Variants in COL3A1 observed in about 807,000 individuals in gnomAD.
COL3A1 encodes collagen alpha-1(III) chain.
A neutral mutation model predicts 200.9 loss-of-function variants in COL3A1; 46 were observed. The ratio of observed to expected loss-of-function variants is 0.23; its 90% confidence interval spans 0.18 to 0.29. The LOEUF is 0.29. Among genes scored for constraint, COL3A1 ranks in the 10% least tolerant of loss-of-function variants. The probability of loss-of-function intolerance (pLI) is 1.00; values close to 1 mark genes in which losing one functional copy is unlikely to be tolerated. For missense variants in COL3A1, 1,367 were observed against 1,917.6 expected (o/e 0.71, Z 5.36); for synonymous variants, 650 against 628.0 (o/e 1.03, Z -0.52).
chr2:188,984,107 T>A (rs1688013742), intron 1 of COL3A1, among the ~76,000 whole-genome samples: 1 of 152,076 alleles, frequency 6.6e-6, no homozygotes, highest in African/African-American at 2.4e-5. Context: ...AACATCTTTT[T>A]CTTTTCTTTT....
chr2:188,984,641 G>T, intron 1 of COL3A1, 119 bp from the exon 2 acceptor site: 1 of 863,296 alleles, frequency 1.2e-6, no homozygotes, highest in East Asian at 2.5e-5. Flanking sequence ...ATGAAAGGAA[G>T]AAATTATTTG....
intron 1 of COL3A1, among the ~76,000 whole-genome samples, chr2:188,983,601 A>C (rs1688000537): frequency 6.6e-6 from 1 of 151,926 alleles, no homozygotes; most frequent in Non-Finnish European, 1.5e-5. Context: ...AGGACCACTA[A>C]AAGGCCTCTT....
intron 43 of COL3A1, 76 bp downstream of exon 43, chr2:189,006,528 T>C: frequency 7.1e-7 from 1 of 1,412,752 alleles, no homozygotes; most frequent in Non-Finnish European, 9.9e-7. Context: ...GAAGGTAGAA[T>C]GTCAGATCTG....
At chr2:188,997,016 TATATATATGAGAC>T (rs879908331) in intron 24 of COL3A1, 136 bp from the exon 25 acceptor site, 182 of 217,454 alleles carry the variant, frequency 8.4e-4, no homozygotes, top group Middle Eastern at 6.7e-3. Context: ...TGTGTGTATA[TATATATATGAGAC>T]ATATATATAT....
intron 1 of COL3A1, among the ~76,000 whole-genome samples, chr2:188,980,336 A>ATTAAAT (rs1413223941): frequency 6.7e-6 from 1 of 149,982 alleles, no homozygotes; most frequent in Non-Finnish European, 1.5e-5. Flanking sequence ...AACTTAAAGG[A>ATTAAAT]CATTTCTAAG....
intron 48 of COL3A1, 45 bp from the exon 49 acceptor site, chr2:189,010,133 A>G: frequency 6.3e-7 from 1 of 1,589,310 alleles, no homozygotes. Context: ...TCACTTTATT[A>G]CTGGATTTTA....
At position 188,985,553 on chromosome 2, in the gene COL3A1, T is replaced by C. The variant is rs914289237; in HGVS notation, c.334-112T>C. On this transcript the variant is annotated intron_variant, in intron 3 of 50. Transcript: ENST00000304636. ...TAAAAAGTATGTGTTATAAAGAAAA[T>C]ATATTACTTATATTGTTTCCTAATA... is the stretch of plus-strand genomic sequence containing the variant. 4.1e-6 allele frequency: 3 copies of C among 730,036 alleles called. No homozygotes were observed. The African/African-American group carries it at 5.4e-5, about 13-fold the overall frequency. The allele number at this position is 730,036 out of a possible 1,614,324, so 45.2% of individuals were successfully genotyped here.
chr2:189,010,538 T>C lies in COL3A1; in HGVS notation c.4012-110T>C, dbSNP rs1688699609. On this transcript the variant is annotated intron_variant, in intron 49 of 50. Transcript: ENST00000304636. The stretch of plus-strand genomic sequence containing the variant: ...TTTTCACACATAAAATACTCGTACA[T>C]AAAATATATAAACAGCCCATATTAC... 8 of 1,511,520 alleles carry C rather than the reference T, an allele frequency of 5.3e-6. No homozygotes were observed. The Middle Eastern group carries it at 7.1e-4, about 134-fold the overall frequency. 93.6% of individuals were successfully genotyped at this position (1,511,520 alleles called of 1,614,324 possible). A position where few individuals can be genotyped will look rare whatever the true frequency, so the allele number is the denominator to read the frequency against.
rs1410895886 is a variant in COL3A1, at chr2:188,991,517, G to T, written c.883G>T (p.Ala295Ser). The T allele has an allele frequency of 6.2e-7, 1 of 1,611,460 alleles. No individual in the cohort carries two copies. The highest frequency in any genetic ancestry group is 2.2e-5 in the East Asian group (1 of 44,854). The change falls in exon 12 of 51, where the codon GCT becomes TCT. Residue 295 changes from alanine (A) to serine (S), a missense_variant. Physicochemically the swap from Ala to Ser is moderately conservative, Grantham distance 99. This residue lies in a region of COL3A1 where 462 missense variants were observed against 681.4 expected (regional missense o/e 0.68). Transcript: ENST00000304636. ...AAATGGTCTTCCAGGCGAAAATGGA[G>T]CTCCTGGACCCATGGTAATTATGTT... is the stretch of plus-strand genomic sequence containing the variant. The part of the protein sequence containing the change: ...GENGLPGENG[A>S]PGPMGPRGAP...
rs1321267556 is a variant in COL3A1, at chr2:189,001,423, T to G, written c.2310T>G (p.Pro770=). Residue 770 remains proline, a synonymous_variant, in exon 33 of 51, where the codon CCT becomes CCG. Transcript: ENST00000304636. ...GTCCTACTGGTCCTATTGGTCCTCC[T>G]GGCCCAGCTGGCCAGCCTGGAGATA... ...PRGPTGPIGP[P]GPAGQPGDKG... is the part of the protein sequence containing the mutation. The G allele has an allele frequency of 4.3e-6, 7 of 1,614,036 alleles. No individual in the cohort carries two copies. The highest frequency in any genetic ancestry group is 5.9e-6 in the Non-Finnish European group (7 of 1,179,842).
chr2:188,989,998 T>C (rs2153501929), intron 8 of COL3A1, 98 bp from the exon 9 acceptor site: 1 of 1,108,376 alleles, frequency 9.0e-7, no homozygotes, highest in Middle Eastern at 2.0e-4. Context: ...TTTTAATGAG[T>C]CCTTTGTGAG....
In COL3A1 at chr2:189,007,008, T is replaced by G. The variant is rs780302065; in HGVS notation, c.3255+18T>G. The G allele has an allele frequency of 3.0e-5, 48 of 1,609,412 alleles. No homozygotes were observed. Among genetic ancestry groups the G allele is most frequent in the Non-Finnish European group, 3.9e-5 (46 of 1,178,416 alleles). On this transcript the variant is annotated intron_variant, in intron 44 of 50. Transcript: ENST00000304636. Reference sequence around the variant, plus strand: ...GTGCTCCTGTAAGTTTTGTCATTTTTTGGTTTTATTTTGTTTTGTTCTTTT... The same window carrying G: ...GTGCTCCTGTAAGTTTTGTCATTTTGTGGTTTTATTTTGTTTTGTTCTTTT...
Position 189,012,689 on chromosome 2 carries a change from G to A in COL3A1, c.*915G>A, listed in dbSNP as rs1384629667. On this transcript the variant is annotated 3_prime_UTR_variant, in exon 51 of 51. Coordinates refer to ENST00000304636, the MANE Select transcript of COL3A1 (RefSeq NM_000090.4). Reference sequence around the variant, plus strand: ...AATTTAACTTTGTAAGCTTGTATGTGGTTGTTGATCTTTTTTTTCCTTACA... The same window carrying A: ...AATTTAACTTTGTAAGCTTGTATGTAGTTGTTGATCTTTTTTTTCCTTACA... 4 of 152,352 alleles carry A rather than the reference G, an allele frequency of 2.6e-5. No individual in the cohort carries two copies. The highest frequency in any genetic ancestry group is 5.9e-5 in the Non-Finnish European group (4 of 67,964). The allele number at this position is 152,352 out of a possible 1,614,324, so 9.4% of individuals were successfully genotyped here.
At chr2:188,990,753 C>A (rs1488824842) in intron 10 of COL3A1, among the ~76,000 whole-genome samples, 1 of 152,102 alleles carries the variant, frequency 6.6e-6, no homozygotes, top group Non-Finnish European at 1.5e-5. Flanking sequence ...ATCTATGAAA[C>A]TCATGTTTGC....
Position 188,994,107 on chromosome 2 carries a change from T to G in COL3A1, c.1194+25T>G. Reference sequence around the variant, plus strand: ...GGTAAGCTGTCCCCACTCCTCAGCCTTATCTCATCCACACATTACTGGCTT... The same window carrying G: ...GGTAAGCTGTCCCCACTCCTCAGCCGTATCTCATCCACACATTACTGGCTT... On this transcript the variant is annotated intron_variant, in intron 17 of 50. Transcript: ENST00000304636. This position sits in a 1 kb window ranked among gnomAD's most constrained non-coding sequence, Gnocchi z 4.5. 6.2e-7 allele frequency: 1 copy of G among 1,614,032 alleles called. No individual in the cohort carries two copies. Among genetic ancestry groups the G allele is most frequent in the Non-Finnish European group, 8.5e-7 (1 of 1,179,868 alleles).
intron 27 of COL3A1, 58 bp from the exon 28 acceptor site, chr2:188,998,208 A>T: frequency 6.7e-7 from 1 of 1,489,122 alleles, no homozygotes; most frequent in South Asian, 1.1e-5. Flanking sequence ...ACATATGAGA[A>T]GCTTTTCTAT....
intron 16 of COL3A1, 132 bp downstream of exon 16, chr2:188,993,591 G>A: frequency 1.3e-6 from 1 of 792,196 alleles, no homozygotes; most frequent in South Asian, 1.5e-5. Flanking sequence ...AAAAATTGTT[G>A]CTTAGTGCTC....
At chr2:188,995,638 A>C (rs746110316) in intron 21 of COL3A1, 54 bp from the exon 22 acceptor site, 39 of 1,222,560 alleles carry the variant, frequency 3.2e-5, no homozygotes, top group Non-Finnish European at 4.3e-5. Flanking sequence ...TATTGTTGCT[A>C]TCTAGGTTAG....
At position 189,011,915 on chromosome 2, in the gene COL3A1, C is replaced by T. The variant is rs1163811840; in HGVS notation, c.*141C>T. 1.0e-4 allele frequency: 92 copies of T among 901,058 alleles called. 1 individual carries two copies. In the South Asian group the frequency reaches 1.4e-3, roughly 14 times the overall value. 55.8% of individuals were successfully genotyped at this position (901,058 alleles called of 1,614,324 possible). A position where few individuals can be genotyped will look rare whatever the true frequency, so the allele number is the denominator to read the frequency against. ...AATGTTTGGAAACAGTATAATTTGA[C>T]AAAGAAAAATGATACTTCTCTTTTT... On this transcript the variant is annotated 3_prime_UTR_variant, in exon 51 of 51. Transcript: ENST00000304636.
Sources: allele counts gnomAD v4.1 joint callset (sites outside exome capture counted in the v4.1 genomes callset), GRCh38; gene constraint gnomAD v4.1.1; regional missense constraint gnomAD v4.1.1; non-coding constraint Gnocchi (gnomAD v3.1); transcripts MANE v1.5; gene names NCBI Gene and HGNC (gene_info 2026-07-23, HGNC 2026-07-21).